The following SESTD1 variants were observed in gnomAD, a reference collection of about 807,000 sequenced individuals.
The protein encoded by SESTD1 is SEC14 and spectrin domain containing 1.
A neutral mutation model predicts 101.7 loss-of-function variants in SESTD1; 43 were observed. That is an observed-to-expected ratio of 0.42 (90% CI 0.33 to 0.55). SESTD1 has a LOEUF of 0.55. Among genes scored for constraint, SESTD1 ranks in the 20% least tolerant of loss-of-function variants. The pLI, the probability that SESTD1 is intolerant of heterozygous loss-of-function variation, is 0.07. For synonymous variants in SESTD1, 283 were observed against 286.8 expected (o/e 0.99, Z 0.13); for missense variants, 647 against 815.1 (o/e 0.79, Z 2.51).
chr2:179,260,741 G>A (rs1349654557), intron 1 of SESTD1, among the ~76,000 whole-genome samples: 1 of 152,152 alleles, frequency 6.6e-6, no homozygotes, highest in East Asian at 1.9e-4. Context: ...TTTATCCTTT[G>A]TAATTACAGA....
Position 179,116,809 on chromosome 2 carries a change from CA to C in SESTD1, c.1525-20del. Reference sequence around the variant, plus strand: ...CTACTGCCTAAACAAAAAGACATAACAATGAAGCTGGATTCAGAACTCTTTA... The same window carrying C: ...CTACTGCCTAAACAAAAAGACATAACATGAAGCTGGATTCAGAACTCTTTA... On this transcript the variant is annotated intron_variant, in intron 14 of 17. Transcript: ENST00000428443. 1.2e-6 allele frequency: 2 copies of C among 1,609,326 alleles called. No homozygotes were observed. Among genetic ancestry groups the C allele is most frequent in the South Asian group, 2.2e-5 (2 of 90,832 alleles).
chr2:179,128,301 G>A (rs2044924056), intron 10 of SESTD1, among the ~76,000 whole-genome samples: 1 of 152,162 alleles, frequency 6.6e-6, no homozygotes, highest in African/African-American at 2.4e-5. Flanking sequence ...ATTAACACCT[G>A]AAATTAGAGA....
intron 1 of SESTD1, among the ~76,000 whole-genome samples, chr2:179,211,274 T>C (rs1358852803): frequency 3.0e-5 from 4 of 131,218 alleles, no homozygotes; most frequent in Admixed American, 7.4e-5. Flanking sequence ...CCCATCAAAA[T>C]ACCATCATCA....
At chr2:179,153,188 G>T (rs895186245) in intron 5 of SESTD1, among the ~76,000 whole-genome samples, 1 of 152,150 alleles carries the variant, frequency 6.6e-6, no homozygotes, top group Non-Finnish European at 1.5e-5. Flanking sequence ...TATCAAAACT[G>T]ACATAAGAAA....
chr2:179,191,287 G>A (rs1410975477), intron 2 of SESTD1, among the ~76,000 whole-genome samples: 1 of 152,166 alleles, frequency 6.6e-6, no homozygotes, highest in Non-Finnish European at 1.5e-5. Context: ...CAACATGGAT[G>A]CAGCCAGAGG....
intron 1 of SESTD1, among the ~76,000 whole-genome samples, chr2:179,247,285 T>G (rs2105552219): frequency 6.6e-6 from 1 of 152,098 alleles, no homozygotes; most frequent in Non-Finnish European, 1.5e-5. Flanking sequence ...AATAAAAGCC[T>G]AAGTCTAGAT....
intron 1 of SESTD1, among the ~76,000 whole-genome samples, chr2:179,245,686 CA>C (rs1327537516): frequency 1.3e-5 from 2 of 151,072 alleles, no homozygotes; most frequent in South Asian, 2.1e-4. Context: ...GACCCTGTCT[CA>C]AAAAAATAAA....
intron 5 of SESTD1, among the ~76,000 whole-genome samples, chr2:179,170,992 A>G (rs2045921035): frequency 6.6e-6 from 1 of 152,198 alleles, no homozygotes; most frequent in African/African-American, 2.4e-5. Context: ...CCTGAATTCT[A>G]TGAATCAATA....
chr2:179,130,051 T>C (rs184151568), intron 10 of SESTD1, among the ~76,000 whole-genome samples: 5 of 152,168 alleles, frequency 3.3e-5, no homozygotes, highest in African/African-American at 9.6e-5. Flanking sequence ...AATCTCTTGA[T>C]AGCCATCAAT....
At chr2:179,161,346 A>T (rs1385868009) in intron 5 of SESTD1, among the ~76,000 whole-genome samples, 1 of 152,188 alleles carries the variant, frequency 6.6e-6, no homozygotes, top group Non-Finnish European at 1.5e-5. Flanking sequence ...GATTCATCAC[A>T]AATCATTTAT....
chr2:179,250,428 C>T (rs1209699357), intron 1 of SESTD1, among the ~76,000 whole-genome samples: 1 of 152,204 alleles, frequency 6.6e-6, no homozygotes, highest in Non-Finnish European at 1.5e-5. Context: ...GCAATCATAA[C>T]AAAATACTAC....
At chr2:179,251,065 A>G (rs2047309556) in intron 1 of SESTD1, among the ~76,000 whole-genome samples, 1 of 152,210 alleles carries the variant, frequency 6.6e-6, no homozygotes, top group African/African-American at 2.4e-5. Context: ...GTACATCCAT[A>G]CCACAGAATA....
chr2:179,175,979 A>T (rs2046004990), intron 4 of SESTD1, among the ~76,000 whole-genome samples: 2 of 152,170 alleles, frequency 1.3e-5, no homozygotes, highest in Admixed American at 6.6e-5. Context: ...GTGAATCCTG[A>T]TGCTTTATGT....
chr2:179,174,377 G>A (rs554563495), intron 4 of SESTD1: 54 of 442,404 alleles, frequency 1.2e-4, no homozygotes, highest in African/African-American at 1.0e-3. Context: ...ATCGCAAGAG[G>A]GGATTAAATC....
intron 10 of SESTD1, among the ~76,000 whole-genome samples, chr2:179,129,382 A>AT (rs967568164): frequency 2.0e-5 from 3 of 151,938 alleles, no homozygotes; most frequent in South Asian, 2.1e-4. Flanking sequence ...CATGTACCTT[A>AT]TTTTTTTTGT....
intron 6 of SESTD1, among the ~76,000 whole-genome samples, chr2:179,149,900 T>C (rs1575444424): frequency 6.6e-6 from 1 of 152,174 alleles, no homozygotes; most frequent in Non-Finnish European, 1.5e-5. Context: ...AGTAATGAAG[T>C]AGACAATCAC....
At chr2:179,238,432 T>C (rs1394175236) in intron 1 of SESTD1, among the ~76,000 whole-genome samples, 1 of 152,120 alleles carries the variant, frequency 6.6e-6, no homozygotes, top group East Asian at 1.9e-4. Context: ...TTAGATTCCA[T>C]AAAAATATAT....
intron 8 of SESTD1, among the ~76,000 whole-genome samples, chr2:179,145,243 T>C (rs957874122): frequency 2.0e-5 from 3 of 152,198 alleles, no homozygotes; most frequent in African/African-American, 7.2e-5. Flanking sequence ...TTCTTGTCGA[T>C]ATCATTTTCA....
In SESTD1 at chr2:179,132,444, G is replaced by C; in HGVS notation, c.850-18C>G. On this transcript the variant is annotated intron_variant, in intron 9 of 17. Coordinates refer to ENST00000428443, the MANE Select transcript of SESTD1 (RefSeq NM_178123.5). Reference sequence around the variant, plus strand: ...TTCACCACCTATAAACAAAAGTTGAGATAACATTTTTTAAAGAATCAGAAA... The same window carrying C: ...TTCACCACCTATAAACAAAAGTTGACATAACATTTTTTAAAGAATCAGAAA... The C allele has an allele frequency of 6.6e-7, 1 of 1,509,942 alleles. No homozygotes were observed. Among genetic ancestry groups the C allele is most frequent in the Non-Finnish European group, 8.7e-7 (1 of 1,150,810 alleles). 93.5% of individuals were successfully genotyped at this position (1,509,942 alleles called of 1,614,324 possible).
Sources: allele counts gnomAD v4.1 joint callset (sites outside exome capture counted in the v4.1 genomes callset), GRCh38; gene constraint gnomAD v4.1.1; transcripts MANE v1.5; gene names NCBI Gene and HGNC (gene_info 2026-07-23, HGNC 2026-07-21).